Variants in USP50 observed in about 807,000 individuals in gnomAD.
USP50 encodes ubiquitin specific peptidase 50.
Under a neutral mutation model 39.2 loss-of-function variants are expected in USP50, and 37 were observed. The ratio of observed to expected loss-of-function variants is 0.94; its 90% confidence interval spans 0.73 to 1.24. The LOEUF is 1.24. Ranked by LOEUF, USP50 falls within the 50% of genes most tolerant of loss-of-function variation. USP50 has a pLI of 0.00. For missense variants in USP50, 374 were observed against 398.2 expected, an observed-to-expected ratio of 0.94 and a Z score of 0.52; for synonymous variants, 139 against 144.5, an observed-to-expected ratio of 0.96 and a Z score of 0.27.
intron 6 of USP50, chr15:50,502,406 T>C (rs1266729830): frequency 6.6e-6 from 1 of 152,310 alleles, no homozygotes; most frequent in Non-Finnish European, 1.5e-5. Flanking sequence ...TCTTGCTCTG[T>C]TGCCCAGGCT....
At chr15:50,541,462 G>T in intron 3 of USP50, among the ~76,000 whole-genome samples, 198 bp from the exon 4 acceptor site, 1 of 151,994 alleles carries the variant, frequency 6.6e-6, no homozygotes, top group Admixed American at 6.6e-5. Context: ...GCAGTGAGCC[G>T]TGTTAGCACT....
intron 6 of USP50, among the ~76,000 whole-genome samples, chr15:50,524,789 G>A (rs1045518652): frequency 1.3e-5 from 2 of 152,140 alleles, no homozygotes; most frequent in African/African-American, 2.4e-5. Flanking sequence ...TGGGAGGAAC[G>A]CTTGAGCCTG....
At chr15:50,525,468 G>GTA (rs34971548) in intron 6 of USP50, among the ~76,000 whole-genome samples, 85,537 of 148,810 alleles carry the variant, frequency 0.57, 24,729 homozygotes, top group Admixed American at 0.63. Context: ...CACATTTTGT[G>GTA]TGTGTGTGTG....
rs1566907729 is a variant in USP50, at chr15:50,525,670, G to GTATATTATATATGTATATGTA, written c.936+4126_936+4127insTACATATACATATATAATATA. Among the ~76,000 whole-genome samples the GTATATTATATATGTATATGTA allele has an allele frequency of 1.7e-3, 160 of 92,440 alleles. 5 individuals carry two copies. The highest frequency in any genetic ancestry group is 6.1e-3 in the African/African-American group (153 of 24,960). The allele number at this position is 92,440 out of a possible 152,430, so 60.6% of individuals were successfully genotyped here. A position where few individuals can be genotyped will look rare whatever the true frequency, so the allele number is the denominator to read the frequency against. On this transcript the variant is annotated intron_variant, in intron 6 of 6. Transcript: ENST00000532404. ...TATATGTATATGTATATATGTATAT[G>GTATATTATATATGTATATGTA]TATATATGTATATTATATATGTATA...
downstream of USP50, chr15:50,498,197 A>G (rs1566894885): frequency 6.3e-6 from 1 of 159,256 alleles, no homozygotes; most frequent in East Asian, 1.8e-4. Flanking sequence ...GTAGTCTCCT[A>G]CTCTCAATTT....
At chr15:50,540,692 T>A (rs1355248454) in intron 4 of USP50, among the ~76,000 whole-genome samples, 1 of 152,140 alleles carries the variant, frequency 6.6e-6, no homozygotes, top group African/African-American at 2.4e-5. Context: ...AGTGCGATCT[T>A]GGCTCACAAC....
In USP50 at chr15:50,520,622, C is replaced by T. The variant is rs1434768121; in HGVS notation, c.936+9175G>A. Among the ~76,000 whole-genome samples the T allele has an allele frequency of 3.3e-5, 5 of 151,564 alleles. No homozygotes were observed. In the South Asian group the frequency reaches 6.2e-4, roughly 19 times the overall value. On this transcript the variant is annotated intron_variant, in intron 6 of 6. Coordinates refer to ENST00000532404, the MANE Select transcript of USP50 (RefSeq NM_203494.5). ...GCCGACTCTGTCTCTTCCCCGCCCC[C>T]GCCAAAAAAAAGGAATATTCTTCAT...
chr15:50,526,017 C>T (rs1050071512), intron 6 of USP50, among the ~76,000 whole-genome samples: 1 of 152,032 alleles, frequency 6.6e-6, no homozygotes. Context: ...CGGAAGGGAG[C>T]GGGATCATTA....
intron 5 of USP50, among the ~76,000 whole-genome samples, chr15:50,532,519 C>G (rs991454210): frequency 2.0e-5 from 3 of 152,158 alleles, no homozygotes; most frequent in African/African-American, 7.2e-5. Flanking sequence ...TCCCCTCCCC[C>G]TCCGCCTTAC....
chr15:50,496,373 C>CA (rs982715548), downstream of USP50, among the ~76,000 whole-genome samples: 2 of 151,078 alleles, frequency 1.3e-5, no homozygotes, highest in Non-Finnish European at 2.9e-5. Flanking sequence ...CCCCGCTACT[C>CA]AGGAGGCTGA....
At chr15:50,500,473 C>A, downstream of USP50, 1 of 302,526 alleles carries the variant, frequency 3.3e-6, no homozygotes, top group Non-Finnish European at 6.4e-6. Context: ...TTTTAGTGAA[C>A]CAAGACCCAT....
At chr15:50,527,532 G>C (rs2052908223) in intron 6 of USP50, among the ~76,000 whole-genome samples, 1 of 151,914 alleles carries the variant, frequency 6.6e-6, no homozygotes, top group African/African-American at 2.4e-5. Flanking sequence ...CTAACAAGTG[G>C]TGCCAATGCT....
At chr15:50,532,538 C>A (rs191901320) in intron 5 of USP50, among the ~76,000 whole-genome samples, 2 of 152,164 alleles carry the variant, frequency 1.3e-5, no homozygotes, top group Admixed American at 6.5e-5. Flanking sequence ...ACCACCCCAT[C>A]ATTAAGGTCT....
At chr15:50,533,114 T>TG (rs1280538372) in intron 5 of USP50, among the ~76,000 whole-genome samples, 1 of 148,900 alleles carries the variant, frequency 6.7e-6, no homozygotes, top group African/African-American at 2.5e-5. Context: ...GAGACCAGCC[T>TG]GGGCAACAAA....
downstream of USP50, chr15:50,493,427 A>C (rs952409636): frequency 3.9e-6 from 2 of 519,114 alleles, no homozygotes; most frequent in Non-Finnish European, 7.7e-6. Context: ...CAGAAAAGTC[A>C]AATTAGGAAA....
chr15:50,529,552 T>G (rs374847438), intron 6 of USP50, among the ~76,000 whole-genome samples: 64 of 152,086 alleles, frequency 4.2e-4, no homozygotes, highest in Admixed American at 1.4e-3. Flanking sequence ...GAGCACAATT[T>G]GCAGTATCCT....
At chr15:50,506,517 C>T (rs2141345265) in intron 6 of USP50, 1 of 152,118 alleles carries the variant, frequency 6.6e-6, no homozygotes, top group South Asian at 2.1e-4. Context: ...AAAAATCAGT[C>T]CCTGGTGCCA....
At chr15:50,508,933 G>C (rs961995134) in intron 6 of USP50, 1 of 151,650 alleles carries the variant, frequency 6.6e-6, no homozygotes, top group African/African-American at 2.4e-5. Flanking sequence ...AGGAGATTGA[G>C]ACCATCCTGG....
At chr15:50,525,721 GTA>G (rs1555395238) in intron 6 of USP50, among the ~76,000 whole-genome samples, 1 of 112,526 alleles carries the variant, frequency 8.9e-6, no homozygotes, top group Non-Finnish European at 1.9e-5. Context: ...ATATGTATAT[GTA>G]TATATGTATA....
Sources: allele counts gnomAD v4.1 joint callset (sites outside exome capture counted in the v4.1 genomes callset), GRCh38; gene constraint gnomAD v4.1.1; transcripts MANE v1.5; gene names NCBI Gene and HGNC (gene_info 2026-07-23, HGNC 2026-07-21).